Variants in NETO1 observed in about 807,000 individuals in gnomAD.
The protein encoded by NETO1 is neuropilin and tolloid-like protein 1.
In NETO1, 26 loss-of-function variants were observed where a neutral mutation model predicts 61.3. The observed-to-expected ratio is 0.42, with a 90% confidence interval of 0.31 to 0.59. NETO1 has a LOEUF of 0.59. Among genes scored for constraint, NETO1 ranks in the 20% least tolerant of loss-of-function variants. NETO1 has a pLI of 0.12. For missense variants in NETO1, 531 were observed against 662.8 expected, an observed-to-expected ratio of 0.80 and a Z score of 2.18; for synonymous variants, 225 against 225.8, an observed-to-expected ratio of 1.00 and a Z score of 0.03.
At chr18:72,793,299 A>G (rs2072196404) in intron 6 of NETO1, among the ~76,000 whole-genome samples, 2 of 152,080 alleles carry the variant, frequency 1.3e-5, no homozygotes, top group African/African-American at 2.4e-5. Flanking sequence ...TGAACAAATA[A>G]CATCTTAGAC....
rs1193524109 is a variant in NETO1 at position 72,763,372 on chromosome 18, C to A, written c.869-7225G>T. Among the ~76,000 whole-genome samples, 3 of 152,294 alleles carry A rather than the reference C, an allele frequency of 2.0e-5. No individual in the cohort carries two copies. The East Asian group carries it at 5.8e-4, about 29-fold the overall frequency. On this transcript the variant is annotated intron_variant, in intron 7 of 10. Transcript: ENST00000327305. ...CTAAAGACTCATTACACCACTGGAA[C>A]ACATGTTCCCTGGACTTAGGGTCTG...
In NETO1 at chr18:72,744,005, T is replaced by C. The variant is rs1357880870; in HGVS notation, c.*4174A>G. On this transcript the variant is annotated 3_prime_UTR_variant, in exon 11 of 11. Coordinates refer to ENST00000327305, the MANE Select transcript of NETO1 (RefSeq NM_138966.5). ...GTAGTTTAACTACATGATCATACTG[T>C]TTCAGGAATAAGGAGATTCTGGAAA... is the stretch of plus-strand genomic sequence containing the variant. 1 of 152,134 alleles carries C rather than the reference T, an allele frequency of 6.6e-6. No homozygotes were observed. Among genetic ancestry groups the C allele is most frequent in the African/African-American group, 2.4e-5 (1 of 41,436 alleles). 9.4% of individuals were successfully genotyped at this position (152,134 alleles called of 1,614,324 possible). A position where few individuals can be genotyped will look rare whatever the true frequency, so the allele number is the denominator to read the frequency against.
Position 72,867,634 on chromosome 18 carries a change from C to A in NETO1, c.-343G>T, listed in dbSNP as rs2074782186. On this transcript the variant is annotated 5_prime_UTR_variant, in exon 1 of 11. Transcript: ENST00000327305. ...TCAGGACCCTCCTCCCGGGCATCGT[C>A]GCCGCCGCGGGGTCGGGAGGACGCG... 1 of 175,510 alleles carries A rather than the reference C, an allele frequency of 5.7e-6. No homozygotes were observed. Among genetic ancestry groups the A allele is most frequent in the Admixed American group, 6.3e-5 (1 of 15,782 alleles). 10.9% of individuals were successfully genotyped at this position (175,510 alleles called of 1,614,324 possible). A position where few individuals can be genotyped will look rare whatever the true frequency, so the allele number is the denominator to read the frequency against.
intron 7 of NETO1, among the ~76,000 whole-genome samples, chr18:72,768,855 T>G (rs1425143415): frequency 1.3e-5 from 2 of 152,188 alleles, no homozygotes; most frequent in Non-Finnish European, 2.9e-5. Flanking sequence ...AAAACCTGTT[T>G]TAGGAATCCG....
chr18:72,792,808 G>A (rs1189698359), intron 6 of NETO1, among the ~76,000 whole-genome samples: 4 of 151,728 alleles, frequency 2.6e-5, no homozygotes, highest in South Asian at 2.1e-4. Context: ...ATGTGGTCAC[G>A]TGCAATTACA....
At chr18:72,862,390 T>A (rs1344190248) in intron 3 of NETO1, among the ~76,000 whole-genome samples, 1 of 152,220 alleles carries the variant, frequency 6.6e-6, no homozygotes, top group Non-Finnish European at 1.5e-5. Context: ...AGCACACATC[T>A]ATCTCTCCAC....
chr18:72,835,373 C>A, intron 4 of NETO1: 1 of 1,481,566 alleles, frequency 6.7e-7, no homozygotes, highest in Non-Finnish European at 9.3e-7. Flanking sequence ...TATGATCAGG[C>A]ATGAATTGTA....
intron 8 of NETO1, 92 bp from the exon 9 acceptor site, chr18:72,750,712 C>A: frequency 1.1e-6 from 1 of 896,446 alleles, no homozygotes; most frequent in Non-Finnish European, 1.6e-6. Context: ...GTATTAAAAA[C>A]TTAAAGTAAA....
intron 3 of NETO1, among the ~76,000 whole-genome samples, chr18:72,860,903 T>C (rs1000094399): frequency 7.2e-5 from 11 of 152,350 alleles, no homozygotes; most frequent in African/African-American, 2.6e-4. Context: ...TCCTATAGTA[T>C]GTATGTACCA....
chr18:72,768,867 A>C (rs1003765096), intron 7 of NETO1, among the ~76,000 whole-genome samples: 1 of 152,098 alleles, frequency 6.6e-6, no homozygotes, highest in East Asian at 1.9e-4. Context: ...AGGAATCCGC[A>C]CTCCAGAAGT....
chr18:72,752,496 A>C (rs1032684965), intron 8 of NETO1, among the ~76,000 whole-genome samples: 2 of 152,218 alleles, frequency 1.3e-5, no homozygotes, highest in Non-Finnish European at 2.9e-5. Context: ...GGTCCAGCCA[A>C]GTCTACATTT....
chr18:72,815,127 G>A (rs2072991935), intron 4 of NETO1, among the ~76,000 whole-genome samples: 1 of 151,994 alleles, frequency 6.6e-6, no homozygotes, highest in South Asian at 2.1e-4. Context: ...ACTCATGTTG[G>A]TATAACTCAG....
chr18:72,827,626 G>A (rs1182926573), intron 4 of NETO1, among the ~76,000 whole-genome samples: 2 of 148,282 alleles, frequency 1.3e-5, no homozygotes, highest in Non-Finnish European at 3.0e-5. Context: ...TGAGTGGGGA[G>A]AATCAGCTGA....
chr18:72,813,941 T>G (rs1344867819), intron 4 of NETO1, among the ~76,000 whole-genome samples: 4 of 151,912 alleles, frequency 2.6e-5, no homozygotes, highest in Non-Finnish European at 1.5e-5. Flanking sequence ...AACACACTCA[T>G]GAAAGGAGTG....
At chr18:72,807,153 T>C (rs1568215106) in intron 4 of NETO1, among the ~76,000 whole-genome samples, 1 of 152,202 alleles carries the variant, frequency 6.6e-6, no homozygotes, top group South Asian at 2.1e-4. Context: ...TATCACCATG[T>C]TTTAAACTTC....
chr18:72,750,679 C>T (rs964802060), intron 8 of NETO1, 59 bp from the exon 9 acceptor site: 17 of 1,245,180 alleles, frequency 1.4e-5, no homozygotes, highest in Non-Finnish European at 1.9e-5. Flanking sequence ...ACGCAGCAAA[C>T]ATTAATATTA....
At position 72,794,174 on chromosome 18, in the gene NETO1, A is replaced by G. The variant is rs149295184; in HGVS notation, c.582T>C (p.Ala194=). 623 of 1,614,204 alleles carry G rather than the reference A, an allele frequency of 3.9e-4. 4 individuals carry two copies. In the South Asian group the frequency reaches 4.2e-3, roughly 11 times the overall value. The part of the protein sequence containing the change: ...ESIQIMKEGK[A]TASEAVDCKW... ...TGCAATCAACAGCCTCGCTAGCAGT[A>G]GCTTTGCCTTCCTTCATAATTTGTA... Residue 194 remains alanine, a synonymous_variant, in exon 6 of 11, where the codon GCT becomes GCC. Transcript: ENST00000327305.
chr18:72,767,157 G>C (rs115815639), intron 7 of NETO1, among the ~76,000 whole-genome samples: 1,847 of 152,194 alleles, frequency 0.012, 38 homozygotes, highest in African/African-American at 0.042. Context: ...ATGAAGATTA[G>C]AGCCAAGCGT....
intron 4 of NETO1, among the ~76,000 whole-genome samples, chr18:72,820,539 T>A (rs1341059344): frequency 6.6e-6 from 1 of 152,260 alleles, no homozygotes; most frequent in African/African-American, 2.4e-5. Context: ...CTTTGAAAAC[T>A]TACAGGATGG....
Sources: gnomAD v4.1 joint callset for allele counts (sites outside exome capture counted in the v4.1 genomes callset) on GRCh38, gnomAD v4.1.1 for gene constraint, MANE v1.5 for transcripts, NCBI Gene and HGNC (gene_info 2026-07-23, HGNC 2026-07-21) for gene names.